SSX2IP: variants seen among roughly 807,000 people sequenced by gnomAD.
The protein encoded by SSX2IP is afadin- and alpha-actinin-binding protein.
A neutral mutation model predicts 84.9 loss-of-function variants in SSX2IP; 55 were observed. The ratio of observed to expected loss-of-function variants is 0.65; its 90% CI spans 0.52 to 0.81. The LOEUF (loss-of-function observed/expected upper bound fraction) is 0.81, where lower values mean the gene tolerates loss of function less well. Among genes scored for constraint, SSX2IP ranks in the 30% least tolerant of loss-of-function variants. The probability of loss-of-function intolerance (pLI) is 0.00; values close to 1 mark genes in which losing one functional copy is unlikely to be tolerated. For missense variants in SSX2IP, 664 were observed against 705.2 expected (o/e 0.94, Z 0.66); for synonymous variants, 239 against 234.7 (o/e 1.02, Z -0.17).
At chr1:84,652,328 AG>A in intron 11 of SSX2IP, 1 of 178,240 alleles carries the variant, frequency 5.6e-6, no homozygotes, top group Non-Finnish European at 1.2e-5. Context: ...GAGGCTGAGG[AG>A]GGAGGATGGC....
intron 1 of SSX2IP, among the ~76,000 whole-genome samples, chr1:84,685,615 G>C (rs906743446): frequency 6.6e-6 from 1 of 152,230 alleles, no homozygotes; most frequent in Non-Finnish European, 1.5e-5. Flanking sequence ...AACCTGGAAA[G>C]ACTAAAAACT....
intron 5 of SSX2IP, among the ~76,000 whole-genome samples, chr1:84,665,253 G>C (rs1157037960): frequency 6.6e-6 from 1 of 152,104 alleles, no homozygotes; most frequent in Non-Finnish European, 1.5e-5. Context: ...AACAGATCTA[G>C]TCAAAATTGT....
At chr1:84,655,274 C>T (rs1650909074) in intron 11 of SSX2IP, 3 of 1,025,296 alleles carry the variant, frequency 2.9e-6, no homozygotes, top group Non-Finnish European at 3.6e-6. Flanking sequence ...AGGATACTTT[C>T]TTACTTTGTA....
At chr1:84,676,614 C>A (rs1654366702) in intron 1 of SSX2IP, among the ~76,000 whole-genome samples, 1 of 151,444 alleles carries the variant, frequency 6.6e-6, no homozygotes, top group African/African-American at 2.4e-5. Context: ...GTATTATAGA[C>A]AGGAACTAGT....
intron 1 of SSX2IP, among the ~76,000 whole-genome samples, chr1:84,672,925 T>C (rs572254673): frequency 3.3e-4 from 50 of 152,272 alleles, no homozygotes; most frequent in African/African-American, 1.2e-3. Context: ...CTCAAGAGGC[T>C]GAGGCAGAAG....
intron 11 of SSX2IP, among the ~76,000 whole-genome samples, chr1:84,654,198 G>A (rs1650740228): frequency 6.6e-6 from 1 of 152,022 alleles, no homozygotes; most frequent in East Asian, 1.9e-4. Context: ...GAATCTTTAG[G>A]ATGAAAGGAA....
At chr1:84,682,737 C>T (rs1211400753) in intron 1 of SSX2IP, among the ~76,000 whole-genome samples, 1 of 152,050 alleles carries the variant, frequency 6.6e-6, no homozygotes, top group Admixed American at 6.6e-5. Context: ...TTCCTGACCT[C>T]GTGATCCTCC....
At chr1:84,685,351 G>A (rs1655637934) in intron 1 of SSX2IP, among the ~76,000 whole-genome samples, 2 of 152,198 alleles carry the variant, frequency 1.3e-5, no homozygotes, top group South Asian at 4.1e-4. Context: ...CATTTGCAAA[G>A]GATCCATGGA....
chr1:84,675,708 T>G (rs1370358155), intron 1 of SSX2IP, among the ~76,000 whole-genome samples: 1 of 152,210 alleles, frequency 6.6e-6, no homozygotes, highest in Non-Finnish European at 1.5e-5. Context: ...TCCTATGCCC[T>G]ATTATTTACG....
At chr1:84,650,642 C>A in intron 12 of SSX2IP, 115 bp from the exon 13 acceptor site, 1 of 1,050,098 alleles carries the variant, frequency 9.5e-7, no homozygotes. Context: ...AGAGATGGAA[C>A]AAATTCAAAT....
At chr1:84,652,049 T>G (rs939483224) in intron 11 of SSX2IP, 52 bp from the exon 12 acceptor site, 1 of 1,348,856 alleles carries the variant, frequency 7.4e-7, no homozygotes, top group East Asian at 2.3e-5. Context: ...ATCCACACAG[T>G]TGCCATTTCA....
At chr1:84,670,598 T>A in intron 3 of SSX2IP, 48 bp downstream of exon 3, 1 of 1,326,458 alleles carries the variant, frequency 7.5e-7, no homozygotes, top group Non-Finnish European at 1.0e-6. Context: ...TGATACATTC[T>A]ATTATATAAC....
intron 5 of SSX2IP, among the ~76,000 whole-genome samples, chr1:84,664,782 TTACA>T (rs1363273659): frequency 1.3e-5 from 2 of 152,270 alleles, no homozygotes; most frequent in East Asian, 3.9e-4. Flanking sequence ...ACCTTTTACC[TTACA>T]TATAGACTCT....
chr1:84,657,329 T>C (rs1651265206), intron 9 of SSX2IP, among the ~76,000 whole-genome samples: 1 of 152,118 alleles, frequency 6.6e-6, no homozygotes, highest in African/African-American at 2.4e-5. Flanking sequence ...TTCAAATCCA[T>C]AGAGGAAAGT....
At chr1:84,660,439 T>C (rs1465372785) in intron 8 of SSX2IP, among the ~76,000 whole-genome samples, 1 of 152,156 alleles carries the variant, frequency 6.6e-6, no homozygotes, top group Non-Finnish European at 1.5e-5. Flanking sequence ...TATGCTAACC[T>C]TGAAGAAGTA....
In SSX2IP at chr1:84,646,699, A is replaced by C. The variant is rs1649501593; in HGVS notation, c.*734T>G. 6.6e-6 allele frequency: 1 copy of C among 152,598 alleles called. No individual in the cohort carries two copies. The highest frequency in any genetic ancestry group is 2.4e-5 in the African/African-American group (1 of 41,454). 9.5% of individuals were successfully genotyped at this position (152,598 alleles called of 1,614,324 possible). ...AAAATAAAAATCTAATGTCATAAAA[A>C]TCTCAAAAATGTAATGTTAGTAGTG... On this transcript the variant is annotated 3_prime_UTR_variant, in exon 14 of 14. Transcript: ENST00000342203.
chr1:84,688,359 TG>T (rs1275170057), intron 1 of SSX2IP, among the ~76,000 whole-genome samples: 1 of 152,136 alleles, frequency 6.6e-6, no homozygotes, highest in African/African-American at 2.4e-5. Flanking sequence ...CATGAGCAAA[TG>T]GTGAAACCAG....
chr1:84,657,601 G>A (rs1265377500), intron 9 of SSX2IP, among the ~76,000 whole-genome samples: 2 of 152,134 alleles, frequency 1.3e-5, no homozygotes, highest in Non-Finnish European at 2.9e-5. Context: ...GGGGGAACAG[G>A]TGGTGTTTGG....
In SSX2IP at chr1:84,647,381, T is replaced by G; in HGVS notation, c.*52A>C. ...CTTTATGACACACCCTGTTTCAACT[T>G]AGATGTGAAACTTGATGAACACATT... is the stretch of plus-strand genomic sequence containing the variant. On this transcript the variant is annotated 3_prime_UTR_variant, in exon 14 of 14. Coordinates refer to ENST00000342203, the MANE Select transcript of SSX2IP (RefSeq NM_001166293.2). 1 of 1,463,164 alleles carries G rather than the reference T, an allele frequency of 6.8e-7. No homozygotes were observed. Among genetic ancestry groups the G allele is most frequent in the Non-Finnish European group, 9.2e-7 (1 of 1,089,702 alleles). 90.6% of individuals were successfully genotyped at this position (1,463,164 alleles called of 1,614,324 possible).
Sources: gnomAD v4.1 joint callset for allele counts (sites outside exome capture counted in the v4.1 genomes callset) on GRCh38, gnomAD v4.1.1 for gene constraint, MANE v1.5 for transcripts, NCBI Gene and HGNC (gene_info 2026-07-23, HGNC 2026-07-21) for gene names.